CSK: variants seen among roughly 807,000 people sequenced by gnomAD.
CSK encodes the protein tyrosine-protein kinase CSK.
In CSK, 7 loss-of-function variants were observed where a neutral mutation model predicts 62.3. The ratio of observed to expected loss-of-function variants is 0.11; its 90% CI spans 0.06 to 0.21. CSK has a LOEUF of 0.21. Ranked by LOEUF, CSK falls within the 10% of genes least tolerant of loss-of-function variation. CSK has a pLI of 1.00. For missense variants in CSK, 294 were observed against 613.5 expected, an observed-to-expected ratio of 0.48 and a Z score of 5.50; for synonymous variants, 237 against 246.0, an observed-to-expected ratio of 0.96 and a Z score of 0.34.
At chr15:74,785,346 G>A (rs1256898709) in intron 1 of CSK, among the ~76,000 whole-genome samples, 1 of 152,164 alleles carries the variant, frequency 6.6e-6, no homozygotes, top group Non-Finnish European at 1.5e-5. Context: ...CCCATACACT[G>A]GAGCGTGTGC....
chr15:74,800,043 T>C (rs2301249), intron 5 of CSK, among the ~76,000 whole-genome samples: 100,731 of 152,014 alleles, frequency 0.66, 33,774 homozygotes, highest in Non-Finnish European at 0.72. Flanking sequence ...TATTCACTCT[T>C]ATCTCCCTCC....
chr15:74,791,177 G>C (rs368344482), intron 1 of CSK, among the ~76,000 whole-genome samples: 5 of 152,102 alleles, frequency 3.3e-5, no homozygotes, highest in African/African-American at 1.2e-4. Flanking sequence ...GCATATTTGA[G>C]TTTAGGGAGG....
At position 74,800,836 on chromosome 15, in the gene CSK, C is replaced by T. The variant is rs769746860; in HGVS notation, c.636C>T (p.Gly212=). The change falls in exon 8 of 13, where the codon GGC becomes GGT. Residue 212 remains glycine (G), a synonymous_variant. Transcript: ENST00000220003. ...CTCTGCCCCCAGACGTGATGCTGGG[C>T]GATTACCGAGGGAACAAAGTCGCCG... ...GKGEFGDVML[G]DYRGNKVAVK... 5 of 1,612,728 alleles carry T rather than the reference C, an allele frequency of 3.1e-6. No individual in the cohort carries two copies. The highest frequency in any genetic ancestry group is 3.4e-6 in the Non-Finnish European group (4 of 1,179,622).
Position 74,800,516 on chromosome 15 carries a change from C to G in CSK, c.556+11C>G, listed in dbSNP as rs1463609461. 8.7e-6 allele frequency: 14 copies of G among 1,611,504 alleles called. No homozygotes were observed. Among genetic ancestry groups the G allele is most frequent in the Admixed American group, 1.7e-5 (1 of 59,684 alleles). ...ATGAGTTCTACCGCAGTGAGTGCAC[C>G]CCACCCCAGACCTCTTGCCCACCCA... On this transcript the variant is annotated intron_variant, in intron 6 of 12. Transcript: ENST00000220003.
At chr15:74,785,930 T>C (rs1057275102) in intron 1 of CSK, among the ~76,000 whole-genome samples, 1 of 151,438 alleles carries the variant, frequency 6.6e-6, no homozygotes, top group African/African-American at 2.4e-5. Flanking sequence ...GGGACCTGAC[T>C]CCACCCATTC....
intron 1 of CSK, among the ~76,000 whole-genome samples, chr15:74,785,235 A>T (rs2063497563): frequency 6.6e-6 from 1 of 152,184 alleles, no homozygotes; most frequent in South Asian, 2.1e-4. Flanking sequence ...TTCATTTAAT[A>T]CTGCGTCTGT....
At chr15:74,794,852 C>G (rs1480033498) in intron 1 of CSK, among the ~76,000 whole-genome samples, 1 of 152,184 alleles carries the variant, frequency 6.6e-6, no homozygotes, top group Non-Finnish European at 1.5e-5. Flanking sequence ...ACATGCCCCC[C>G]TGCTGAGGCC....
chr15:74,790,648 G>A (rs1239985420), intron 1 of CSK, among the ~76,000 whole-genome samples: 3 of 152,242 alleles, frequency 2.0e-5, no homozygotes, highest in Non-Finnish European at 4.4e-5. Flanking sequence ...GTCCCTTTGG[G>A]GTTAACTATA....
chr15:74,796,701 G>T (rs772184238), intron 1 of CSK, among the ~76,000 whole-genome samples: 1 of 152,002 alleles, frequency 6.6e-6, no homozygotes, highest in Non-Finnish European at 1.5e-5. Flanking sequence ...AAAGTGTGCC[G>T]ATCGCAATGG....
At chr15:74,785,728 A>G (rs909168127) in intron 1 of CSK, among the ~76,000 whole-genome samples, 4 of 152,114 alleles carry the variant, frequency 2.6e-5, no homozygotes, top group South Asian at 2.1e-4. Flanking sequence ...CCACGGGCCA[A>G]TGTTGACTGA....
At chr15:74,797,949 C>G (rs12898970) in intron 1 of CSK, 13 of 219,690 alleles carry the variant, frequency 5.9e-5, no homozygotes, top group Non-Finnish European at 1.1e-4. Context: ...GGCTGACGGT[C>G]AGGTGTCCAT....
rs2063748467 is a variant in CSK, at chr15:74,798,986, C to T, written c.242+48C>T. The T allele has an allele frequency of 6.9e-7, 1 of 1,446,306 alleles. No homozygotes were observed. The highest frequency in any genetic ancestry group is 9.1e-7 in the Non-Finnish European group (1 of 1,097,488). The allele number at this position is 1,446,306 out of a possible 1,614,324, so 89.6% of individuals were successfully genotyped here. ...GGGGAGGGAAGGGGCCTTGGTCCTC[C>T]TGAAGGAGCATCAGGAGCAAGCAGG... is the stretch of plus-strand genomic sequence containing the variant. On this transcript the variant is annotated intron_variant, in intron 4 of 12. Transcript: ENST00000220003. The surrounding 1 kb of genome is among the most constrained non-coding windows in gnomAD (Gnocchi z 6.6).
Position 74,798,554 on chromosome 15 carries a change from C to T in CSK, c.16-61C>T, listed in dbSNP as rs780770731. ...CTCAGAGGCTGTGACCACGAGGGTG[C>T]GCCAGCAGGTGGCTGGAGGGGGCCC... On this transcript the variant is annotated intron_variant, in intron 2 of 12. Coordinates refer to ENST00000220003, the MANE Select transcript of CSK (RefSeq NM_004383.3). This position sits in a 1 kb window ranked among gnomAD's most constrained non-coding sequence, Gnocchi z 6.6. 1.1e-5 allele frequency: 16 copies of T among 1,476,110 alleles called. No individual in the cohort carries two copies. The highest frequency in any genetic ancestry group is 1.7e-4 in the Middle Eastern group (1 of 5,842). 91.4% of individuals were successfully genotyped at this position (1,476,110 alleles called of 1,614,324 possible). A position where few individuals can be genotyped will look rare whatever the true frequency, so the allele number is the denominator to read the frequency against.
chr15:74,786,013 T>TTTTTTTTTTTTTTTTTTTGTGTGTGGGTG, intron 1 of CSK, among the ~76,000 whole-genome samples: 1 of 47,816 alleles, frequency 2.1e-5, no homozygotes, highest in Non-Finnish European at 5.5e-5. Context: ...TTTTTTTTTT[T>TTTTTTTTTTTTTTTTTTTGTGTGTGGGTG]TGTGTGTGTG....
chr15:74,793,583 T>C (rs911018400), intron 1 of CSK, among the ~76,000 whole-genome samples: 3 of 152,218 alleles, frequency 2.0e-5, no homozygotes, highest in African/African-American at 7.2e-5. Context: ...CCTGTGGGCC[T>C]CACTTGGGGT....
At position 74,799,294 on chromosome 15, in the gene CSK, C is replaced by A; in HGVS notation, c.265C>A (p.Arg89=). ...LMPWFHGKIT[R]EQAERLLYPP... ...CAGTTGGTTCCACGGCAAGATCACA[C>A]GGGAGCAGGCTGAGCGGCTTCTGTA... Residue 89 remains arginine (R), a synonymous_variant, in exon 5 of 13, where the codon CGG becomes AGG. Transcript: ENST00000220003. The A allele has an allele frequency of 6.2e-7, 1 of 1,610,666 alleles. No individual in the cohort carries two copies. Among genetic ancestry groups the A allele is most frequent in the Non-Finnish European group, 8.5e-7 (1 of 1,179,414 alleles).
Position 74,794,252 on chromosome 15 carries a change from G to GTAA in CSK, c.-65-3981_-65-3980insTAA, listed in dbSNP as rs1391740023. On this transcript the variant is annotated intron_variant, in intron 1 of 12. Transcript: ENST00000220003. ...ACAGTCCACAGGAGGCAGGGGCAAG[G>GTAA]GGTCCCCGCCACCCCCACCCCCACA... 1.1e-3 allele frequency among the ~76,000 whole-genome samples: 50 copies of GTAA among 46,200 alleles called. 4 individuals carry two copies. Among genetic ancestry groups the GTAA allele is most frequent in the Non-Finnish European group, 2.0e-3 (41 of 20,022 alleles). 30.3% of individuals were successfully genotyped at this position (46,200 alleles called of 152,430 possible). A position where few individuals can be genotyped will look rare whatever the true frequency, so the allele number is the denominator to read the frequency against.
In CSK at chr15:74,786,873, C is replaced by G. The variant is rs181701213; in HGVS notation, c.-66+4153C>G. Among the ~76,000 whole-genome samples, 27 of 152,326 alleles carry G rather than the reference C, an allele frequency of 1.8e-4. No homozygotes were observed. The East Asian group carries it at 5.0e-3, about 28-fold the overall frequency. On this transcript the variant is annotated intron_variant, in intron 1 of 12. Transcript: ENST00000220003. ...TCAGTGCAGAGGTCCCTTGGGCACA[C>G]GACTTCAGACTCCAGCTGCCAAACT...
chr15:74,798,956 G>A lies in CSK; in HGVS notation c.242+18G>A. 6.7e-7 allele frequency: 1 copy of A among 1,486,790 alleles called. No homozygotes were observed. The highest frequency in any genetic ancestry group is 2.3e-5 in the East Asian group (1 of 43,130). 92.1% of individuals were successfully genotyped at this position (1,486,790 alleles called of 1,614,324 possible). On this transcript the variant is annotated intron_variant, in intron 4 of 12. Transcript: ENST00000220003. This position sits in a 1 kb window ranked among gnomAD's most constrained non-coding sequence, Gnocchi z 6.6. ...CTCATGCCGTGAGTACCACGAGGAG[G>A]GGTTGGGGAGGGAAGGGGCCTTGGT... is the stretch of plus-strand genomic sequence containing the variant.
Sources: gnomAD v4.1 joint callset for allele counts (sites outside exome capture counted in the v4.1 genomes callset) on GRCh38, gnomAD v4.1.1 for gene constraint, Gnocchi (gnomAD v3.1) non-coding constraint, MANE v1.5 for transcripts, NCBI Gene and HGNC (gene_info 2026-07-23, HGNC 2026-07-21) for gene names.